Variants in RNF214 observed in about 807,000 individuals in gnomAD.
The protein encoded by RNF214 is ring finger protein 214.
RNF214 carries 25 observed loss-of-function variants against 75.9 expected under a neutral mutation model. The ratio of observed to expected loss-of-function variants is 0.33; its 90% CI spans 0.24 to 0.46. RNF214 has a LOEUF of 0.46. Ranked by LOEUF, RNF214 falls within the 20% of genes least tolerant of loss-of-function variation. RNF214 has a pLI of 1.00. For synonymous variants in RNF214, 314 were observed against 308.8 expected (o/e 1.02, Z -0.18); for missense variants, 725 against 857.5 (o/e 0.85, Z 1.93).
chr11:117,271,277 C>T (rs1382888193), intron 6 of RNF214, among the ~76,000 whole-genome samples: 1 of 152,196 alleles, frequency 6.6e-6, no homozygotes. Context: ...ACAGCTCCTA[C>T]TCTTTGTATT....
At chr11:117,259,542 T>A (rs747030212) in intron 6 of RNF214, among the ~76,000 whole-genome samples, 3 of 152,378 alleles carry the variant, frequency 2.0e-5, no homozygotes, top group Non-Finnish European at 4.4e-5. Context: ...CAACCATATA[T>A]GAGAGTTCTG....
chr11:117,237,744 G>A (rs1312013038), intron 2 of RNF214, among the ~76,000 whole-genome samples: 1 of 152,156 alleles, frequency 6.6e-6, no homozygotes, highest in South Asian at 2.1e-4. Context: ...TTAAGCATAT[G>A]TATACTTACT....
At chr11:117,244,255 A>G (rs956758275) in intron 4 of RNF214, among the ~76,000 whole-genome samples, 190 bp from the exon 5 acceptor site, 25 of 152,174 alleles carry the variant, frequency 1.6e-4, no homozygotes, top group Admixed American at 2.6e-4. Flanking sequence ...TACTACAGTT[A>G]TAGGTGTGAG....
At chr11:117,272,353 G>A (rs756538729) in intron 6 of RNF214, among the ~76,000 whole-genome samples, 2 of 152,118 alleles carry the variant, frequency 1.3e-5, no homozygotes, top group African/African-American at 4.8e-5. Context: ...ACCAAACACC[G>A]CATGTTCTTA....
At chr11:117,237,249 T>C (rs1281086262) in intron 2 of RNF214, among the ~76,000 whole-genome samples, 6 of 152,150 alleles carry the variant, frequency 3.9e-5, no homozygotes, top group Admixed American at 3.9e-4. Flanking sequence ...TTGGCTAATT[T>C]TTAAATTTTT....
At position 117,281,510 on chromosome 11, in the gene RNF214, A is replaced by C. The variant is rs1487996657; in HGVS notation, c.1237-90A>C. On this transcript the variant is annotated intron_variant, in intron 9 of 14. Coordinates refer to ENST00000300650, the MANE Select transcript of RNF214 (RefSeq NM_207343.4). ...ATTGCCATTTGGGGCCTATCCTACT[A>C]TTCCTTTTGTTTTCCTGATAATGGA... The C allele has an allele frequency of 4.3e-6, 6 of 1,388,516 alleles. No individual in the cohort carries two copies. The African/African-American group carries it at 5.7e-5, about 13-fold the overall frequency. The allele number at this position is 1,388,516 out of a possible 1,614,324, so 86.0% of individuals were successfully genotyped here.
intron 13 of RNF214, 114 bp downstream of exon 13, chr11:117,282,964 C>A: frequency 2.0e-6 from 2 of 1,012,876 alleles, no homozygotes; most frequent in South Asian, 1.4e-5. Context: ...TGCAGCCCTA[C>A]TGGGAAAATG....
At chr11:117,246,479 A>T (rs913375054) in intron 5 of RNF214, among the ~76,000 whole-genome samples, 1 of 152,236 alleles carries the variant, frequency 6.6e-6, no homozygotes, top group Non-Finnish European at 1.5e-5. Flanking sequence ...CACCTTTCTC[A>T]GCATTCTTGA....
chr11:117,281,862 C>G (rs780134918), intron 10 of RNF214, 32 bp from the exon 11 acceptor site: 2 of 1,593,250 alleles, frequency 1.3e-6, no homozygotes, highest in East Asian at 4.5e-5. Flanking sequence ...TTCTTCCTTT[C>G]TCTCTCGTCC....
At chr11:117,282,689 G>A (rs1316917405) in intron 12 of RNF214, 57 bp from the exon 13 acceptor site, 2 of 1,560,072 alleles carry the variant, frequency 1.3e-6, no homozygotes, top group Non-Finnish European at 1.8e-6. Flanking sequence ...TGATTTTTGT[G>A]ATATGCTCTG....
Position 117,245,337 on chromosome 11 carries a change from CAT to C in RNF214, c.819+754_819+755del, listed in dbSNP as rs552691079. ...CTGTCTCAAAAAAAGTATTAATACT[CAT>C]AGACTTTTTTTTTTTTTTGAGACGG... is the stretch of plus-strand genomic sequence containing the variant. On this transcript the variant is annotated intron_variant, in intron 5 of 14. Transcript: ENST00000300650. 1.3e-4 allele frequency among the ~76,000 whole-genome samples: 20 copies of C among 149,900 alleles called. 1 individual carries two copies. The South Asian group carries it at 3.9e-3, about 29-fold the overall frequency.
chr11:117,248,203 G>A (rs1005082657), intron 6 of RNF214, among the ~76,000 whole-genome samples: 2 of 152,158 alleles, frequency 1.3e-5, no homozygotes, highest in Non-Finnish European at 2.9e-5. Flanking sequence ...AGCCTCCTGA[G>A]TAGCTGGGAC....
chr11:117,234,934 G>A (rs2032859644), intron 2 of RNF214, among the ~76,000 whole-genome samples: 1 of 151,984 alleles, frequency 6.6e-6, no homozygotes, highest in South Asian at 2.1e-4. Context: ...ATTTTATCTG[G>A]GATAGGCATA....
At chr11:117,265,871 A>G (rs554732335) in intron 6 of RNF214, among the ~76,000 whole-genome samples, 17 of 152,340 alleles carry the variant, frequency 1.1e-4, no homozygotes, top group Non-Finnish European at 2.1e-4. Flanking sequence ...TTGCTCTACA[A>G]TGCTCCCTGT....
At chr11:117,235,069 A>G (rs1255627634) in intron 2 of RNF214, among the ~76,000 whole-genome samples, 1 of 152,230 alleles carries the variant, frequency 6.6e-6, no homozygotes, top group Non-Finnish European at 1.5e-5. Flanking sequence ...AACTAATACA[A>G]TGTAAATGTT....
intron 8 of RNF214, among the ~76,000 whole-genome samples, chr11:117,280,612 C>T (rs1212491024): frequency 6.6e-6 from 1 of 152,138 alleles, no homozygotes; most frequent in East Asian, 1.9e-4. Flanking sequence ...GCCGAGGCTG[C>T]AGTGAGCTTT....
rs1302843163 is a variant in RNF214 at position 117,239,353 on chromosome 11, G to A, written c.618+242G>A. The A allele has an allele frequency of 2.4e-5, 13 of 543,476 alleles. No individual in the cohort carries two copies. In the East Asian group the frequency reaches 3.1e-4, roughly 13 times the overall value. The allele number at this position is 543,476 out of a possible 1,614,324, so 33.7% of individuals were successfully genotyped here. A position where few individuals can be genotyped will look rare whatever the true frequency, so the allele number is the denominator to read the frequency against. ...GGCAAGTAGGAACTTTATGACCTAC[G>A]TGTAGTCTCTTTCACTGAGTAACTG... On this transcript the variant is annotated intron_variant, in intron 3 of 14. Coordinates refer to ENST00000300650, the MANE Select transcript of RNF214 (RefSeq NM_207343.4).
chr11:117,277,171 T>C (rs1013124452), intron 6 of RNF214, among the ~76,000 whole-genome samples: 4 of 151,580 alleles, frequency 2.6e-5, no homozygotes, highest in Admixed American at 2.6e-4. Context: ...GGCAAAACCC[T>C]GTTTCTACTA....
chr11:117,263,554 G>A (rs890092099), intron 6 of RNF214, among the ~76,000 whole-genome samples: 10 of 152,206 alleles, frequency 6.6e-5, no homozygotes, highest in Non-Finnish European at 1.5e-4. Context: ...GATTACAGGC[G>A]TGAGCCACCG....
Sources: gnomAD v4.1 joint callset for allele counts (sites outside exome capture counted in the v4.1 genomes callset) on GRCh38, gnomAD v4.1.1 for gene constraint, MANE v1.5 for transcripts, NCBI Gene and HGNC (gene_info 2026-07-23, HGNC 2026-07-21) for gene names.